The following CRADD variants were observed in gnomAD, a reference collection of about 807,000 sequenced individuals.
The protein encoded by CRADD is CARD and death domain containing adaptor protein.
CRADD carries 9 observed loss-of-function variants against 15.5 expected under a neutral mutation model. That is an observed-to-expected ratio of 0.58 (90% confidence interval 0.35 to 1.01). CRADD has a LOEUF of 1.01. CRADD is among the 50% of genes least tolerant of loss of function. The pLI is 0.02. For missense variants in CRADD, 227 were observed against 250.3 expected, an observed-to-expected ratio of 0.91 and a Z score of 0.63; for synonymous variants, 118 against 107.6, an observed-to-expected ratio of 1.10 and a Z score of -0.60.
intron 2 of CRADD, among the ~76,000 whole-genome samples, chr12:93,808,094 G>A (rs1309215198): frequency 2.6e-5 from 4 of 151,692 alleles, no homozygotes; most frequent in Admixed American, 2.0e-4. Flanking sequence ...TGGGTGTCCT[G>A]GGAGTGAAGA....
intron 2 of CRADD, among the ~76,000 whole-genome samples, chr12:93,831,637 C>T (rs1335794120): frequency 1.3e-5 from 2 of 152,250 alleles, no homozygotes; most frequent in East Asian, 3.8e-4. Flanking sequence ...CTGCTTCCTA[C>T]CAGACATTGT....
At chr12:93,804,282 TGGTAGCTTAAATATATCCA>T (rs1258169180) in intron 2 of CRADD, among the ~76,000 whole-genome samples, 1 of 152,190 alleles carries the variant, frequency 6.6e-6, no homozygotes, top group African/African-American at 2.4e-5. Flanking sequence ...GGATGTTCCT[TGGTAGCTTAAATATATCCA>T]GGCTATTGCA....
chr12:93,770,407 T>C (rs1957074624), intron 2 of CRADD, among the ~76,000 whole-genome samples: 1 of 152,088 alleles, frequency 6.6e-6, no homozygotes, highest in Non-Finnish European at 1.5e-5. Flanking sequence ...CCCTCCTATG[T>C]TATCTTTTAT....
chr12:93,687,387 A>G (rs76289308), intron 2 of CRADD, among the ~76,000 whole-genome samples: 3,274 of 152,234 alleles, frequency 0.022, 44 homozygotes, highest in African/African-American at 0.026. Flanking sequence ...AGCTGTGGCT[A>G]TGCTTTGGAA....
At chr12:93,849,355 G>A (rs967137496) in intron 2 of CRADD, 1 of 152,368 alleles carries the variant, frequency 6.6e-6, no homozygotes, top group Non-Finnish European at 1.5e-5. Context: ...AACCCTTCAT[G>A]TGTGTTTTAT....
chr12:93,795,950 A>G (rs1957410890), intron 2 of CRADD, among the ~76,000 whole-genome samples: 1 of 152,234 alleles, frequency 6.6e-6, no homozygotes, highest in African/African-American at 2.4e-5. Context: ...AGGAGGGCAT[A>G]AGGAAATTCC....
Position 93,850,741 on chromosome 12 carries a change from C to T in CRADD, c.*470C>T. 1 of 983,760 alleles carries T rather than the reference C, an allele frequency of 1.0e-6. No individual in the cohort carries two copies. Among genetic ancestry groups the T allele is most frequent in the Non-Finnish European group, 1.2e-6 (1 of 828,944 alleles). The allele number at this position is 983,760 out of a possible 1,614,324, so 60.9% of individuals were successfully genotyped here. On this transcript the variant is annotated 3_prime_UTR_variant, in exon 3 of 3. Transcript: ENST00000332896. The surrounding 1 kb of genome is among the most constrained non-coding windows in gnomAD (Gnocchi z 4.0). ...AATGCGAATTACTATATATAATGTG[C>T]CTCACTCATGAGAAAGTACCGTGTT... is the stretch of plus-strand genomic sequence containing the variant.
intron 2 of CRADD, among the ~76,000 whole-genome samples, chr12:93,842,815 G>C: frequency 6.7e-6 from 1 of 149,892 alleles, no homozygotes; most frequent in Non-Finnish European, 1.5e-5. Context: ...AGTCAGGGCG[G>C]GGGTGGGGGA....
At chr12:93,834,760 T>C (rs1957955819) in intron 2 of CRADD, among the ~76,000 whole-genome samples, 1 of 152,246 alleles carries the variant, frequency 6.6e-6, no homozygotes, top group African/African-American at 2.4e-5. Flanking sequence ...AGTGCTGGGA[T>C]TACAGGCGTG....
At chr12:93,728,342 C>G (rs1956405282) in intron 2 of CRADD, among the ~76,000 whole-genome samples, 1 of 152,170 alleles carries the variant, frequency 6.6e-6, no homozygotes, top group South Asian at 2.1e-4. Flanking sequence ...TGGGCAAGAC[C>G]TTTATGAAGA....
intron 2 of CRADD, among the ~76,000 whole-genome samples, chr12:93,703,858 A>G (rs1191705110): frequency 6.6e-6 from 1 of 152,048 alleles, no homozygotes; most frequent in Non-Finnish European, 1.5e-5. Context: ...TTATTGGAAT[A>G]GGTTTTACAT....
chr12:93,770,338 C>A (rs1371395694), intron 2 of CRADD, among the ~76,000 whole-genome samples: 4 of 152,028 alleles, frequency 2.6e-5, no homozygotes, highest in Admixed American at 2.0e-4. Flanking sequence ...ACCTCGTGAT[C>A]CGCCCGCCTC....
chr12:93,716,020 T>C lies in CRADD; in HGVS notation c.298+36948T>C, dbSNP rs562057471. Reference sequence around the variant, plus strand: ...AGTGGCAGATGCCTGTAATCCAAGCTACTCGGGAGGCTGAGGCATGAGAAT... The same window carrying C: ...AGTGGCAGATGCCTGTAATCCAAGCCACTCGGGAGGCTGAGGCATGAGAAT... On this transcript the variant is annotated intron_variant, in intron 2 of 2. Transcript: ENST00000332896. Among the ~76,000 whole-genome samples, 5 of 151,850 alleles carry C rather than the reference T, an allele frequency of 3.3e-5. No homozygotes were observed. In the East Asian group the frequency reaches 9.7e-4, roughly 29 times the overall value.
chr12:93,681,169 C>T (rs1011652639), intron 2 of CRADD, among the ~76,000 whole-genome samples: 4 of 152,166 alleles, frequency 2.6e-5, no homozygotes, highest in Admixed American at 6.5e-5. Flanking sequence ...CAGGCGTGAG[C>T]CACCATGCTC....
intron 2 of CRADD, among the ~76,000 whole-genome samples, chr12:93,684,372 A>G (rs1192846333): frequency 6.6e-6 from 1 of 152,148 alleles, no homozygotes; most frequent in Non-Finnish European, 1.5e-5. Context: ...GATCTCTGGC[A>G]TGTGCAGTTC....
At chr12:93,748,364 G>A (rs897475916) in intron 2 of CRADD, among the ~76,000 whole-genome samples, 1 of 152,108 alleles carries the variant, frequency 6.6e-6, no homozygotes, top group Non-Finnish European at 1.5e-5. Context: ...GGAGCGCAAT[G>A]GTGCAATCTC....
intron 2 of CRADD, among the ~76,000 whole-genome samples, chr12:93,847,089 C>T (rs576677713): frequency 8.5e-5 from 13 of 152,118 alleles, no homozygotes; most frequent in African/African-American, 2.7e-4. Context: ...GATGACAGAG[C>T]GAGACTCCGT....
chr12:93,698,052 G>T (rs1955752981), intron 2 of CRADD, among the ~76,000 whole-genome samples: 1 of 152,148 alleles, frequency 6.6e-6, no homozygotes, highest in Non-Finnish European at 1.5e-5. Flanking sequence ...CACCTTACCT[G>T]TTTCAGGGGA....
Position 93,760,527 on chromosome 12 carries a change from T to C in CRADD, c.298+81455T>C, listed in dbSNP as rs139618072. Among the ~76,000 whole-genome samples, 735 of 152,340 alleles carry C rather than the reference T, an allele frequency of 4.8e-3. 14 individuals are homozygous for C. The South Asian group carries it at 0.057, about 12-fold the overall frequency. ...TTAGAAAATAAGATGTCTGAGATGT[T>C]AGAATCTTCACATATAATTTGTCCT... On this transcript the variant is annotated intron_variant, in intron 2 of 2. Coordinates refer to ENST00000332896, the MANE Select transcript of CRADD (RefSeq NM_003805.5).
Sources: allele counts gnomAD v4.1 joint callset (sites outside exome capture counted in the v4.1 genomes callset), GRCh38; gene constraint gnomAD v4.1.1; non-coding constraint Gnocchi (gnomAD v3.1); transcripts MANE v1.5; gene names NCBI Gene and HGNC (gene_info 2026-07-23, HGNC 2026-07-21).